ATXN2L: variants seen among roughly 807,000 people sequenced by gnomAD.
ATXN2L encodes the protein ataxin-2-like protein.
Under a neutral mutation model 120.7 loss-of-function variants are expected in ATXN2L, and 24 were observed. The observed-to-expected ratio is 0.20, with a 90% CI of 0.14 to 0.28. ATXN2L has a LOEUF of 0.28. Ranked by LOEUF, ATXN2L falls within the 10% of genes least tolerant of loss-of-function variation. The pLI, the probability that ATXN2L is intolerant of heterozygous loss-of-function variation, is 1.00. For synonymous variants in ATXN2L, 653 were observed against 568.1 expected (o/e 1.15, Z -2.13); for missense variants, 1,312 against 1,432.3 (o/e 0.92, Z 1.36).
chr16:28,826,649 T>C (rs2052145324), intron 5 of ATXN2L: 1 of 649,876 alleles, frequency 1.5e-6, no homozygotes, highest in Non-Finnish European at 2.5e-6. Context: ...GGTTTTTAAC[T>C]TCTTTTTTCT....
intron 1 of ATXN2L, among the ~76,000 whole-genome samples, chr16:28,825,072 C>T (rs1270770625): frequency 7.0e-6 from 1 of 143,442 alleles, no homozygotes; most frequent in African/African-American, 2.5e-5. Context: ...AAAAAAAAAG[C>T]CAGGAGTGGT....
In ATXN2L at chr16:28,834,217, C is replaced by G; in HGVS notation, c.2172+6C>G. 1 of 1,612,680 alleles carries G rather than the reference C, an allele frequency of 6.2e-7. No homozygotes were observed. Among genetic ancestry groups the G allele is most frequent in the Non-Finnish European group, 8.5e-7 (1 of 1,178,898 alleles). ...ACATGGGACCAGCTGTGCAGGTATG[C>G]AGAGAGACTGGCCGGGCCCAGGGTT... is the stretch of plus-strand genomic sequence containing the variant. On this transcript the variant is annotated splice_donor_region_variant and intron_variant, in intron 16 of 21. Coordinates refer to ENST00000336783, the MANE Select transcript of ATXN2L (RefSeq NM_007245.4).
intron 10 of ATXN2L, among the ~76,000 whole-genome samples, chr16:28,831,771 C>G (rs1487837398): frequency 6.6e-6 from 1 of 152,114 alleles, no homozygotes; most frequent in Admixed American, 6.6e-5. Context: ...GTACTCCCAG[C>G]TACTTGCGAG....
chr16:28,834,802 GA>G, intron 18 of ATXN2L, 109 bp downstream of exon 18: 1 of 1,345,388 alleles, frequency 7.4e-7, no homozygotes, highest in Non-Finnish European at 1.0e-6. Context: ...TTGTAGGTGG[GA>G]TCGGCCCTCT....
rs1272065548 is a variant in ATXN2L at position 28,823,225 on chromosome 16, C to T, written c.-35C>T. ...CCAGCCCCGGCCCCCTCTCTCCCTC[C>T]CTTCTCTCTAATTCCCCTTCCGGAC... On this transcript the variant is annotated 5_prime_UTR_variant, in exon 1 of 22. Coordinates refer to ENST00000336783, the MANE Select transcript of ATXN2L (RefSeq NM_007245.4). 18 of 1,363,602 alleles carry T rather than the reference C, an allele frequency of 1.3e-5. No individual in the cohort carries two copies. Among genetic ancestry groups the T allele is most frequent in the African/African-American group, 3.0e-5 (2 of 66,052 alleles). The allele number at this position is 1,363,602 out of a possible 1,614,324, so 84.5% of individuals were successfully genotyped here.
At chr16:28,825,531 G>A (rs1267183339) in intron 2 of ATXN2L, 93 bp from the exon 3 acceptor site, 1 of 1,534,524 alleles carries the variant, frequency 6.5e-7, no homozygotes, top group African/African-American at 1.4e-5. Context: ...GCACACACAA[G>A]GCAGAATGAG....
rs7499664 is a variant in ATXN2L, at chr16:28,834,571, G to A, written c.2311G>A (p.Ala771Thr). The A allele has an allele frequency of 2.9e-3, 4,624 of 1,612,580 alleles. 8 individuals carry two copies. Among genetic ancestry groups the A allele is most frequent in the South Asian group, 3.8e-3 (346 of 91,064 alleles). Reference sequence around the variant, plus strand: ...CTCAGCCCCGCCGATGATGCAGGCCGCCGCGGCTGCTGGCCCGCCTCTGGT... The same window carrying A: ...CTCAGCCCCGCCGATGATGCAGGCCACCGCGGCTGCTGGCCCGCCTCTGGT... ...PASAPPMMQA[A>T]AAAGPPLVAA... is the part of the protein sequence containing the mutation. The change falls in exon 18 of 22, where the codon GCC becomes ACC. Residue 771 changes from alanine to threonine, a missense_variant. By Grantham distance (58) the Ala-to-Thr change is moderately conservative. Coordinates refer to ENST00000336783, the MANE Select transcript of ATXN2L (RefSeq NM_007245.4).
chr16:28,823,229 C>G lies in ATXN2L; in HGVS notation c.-31C>G. 7.3e-7 allele frequency: 1 copy of G among 1,365,744 alleles called. No individual in the cohort carries two copies. The allele number at this position is 1,365,744 out of a possible 1,614,324, so 84.6% of individuals were successfully genotyped here. A position where few individuals can be genotyped will look rare whatever the true frequency, so the allele number is the denominator to read the frequency against. On this transcript the variant is annotated 5_prime_UTR_variant, in exon 1 of 22. Coordinates refer to ENST00000336783, the MANE Select transcript of ATXN2L (RefSeq NM_007245.4). ...CCCCGGCCCCCTCTCTCCCTCCCTT[C>G]TCTCTAATTCCCCTTCCGGACGCTG...
rs1018034466 is a variant in ATXN2L, at chr16:28,826,701, C to T, written c.617-161C>T. Reference sequence around the variant, plus strand: ...GATAGACTTTTTATACTCTTCTTCTCTTGCCTCCCCACCCCCTGGCCATCC... The same window carrying T: ...GATAGACTTTTTATACTCTTCTTCTTTTGCCTCCCCACCCCCTGGCCATCC... On this transcript the variant is annotated intron_variant, in intron 5 of 21. Transcript: ENST00000336783. 13 of 827,964 alleles carry T rather than the reference C, an allele frequency of 1.6e-5. No individual in the cohort carries two copies. In the Admixed American group the frequency reaches 4.0e-4, roughly 26 times the overall value. The allele number at this position is 827,964 out of a possible 1,614,324, so 51.3% of individuals were successfully genotyped here.
At chr16:28,827,951 T>C (rs1289280823) in intron 6 of ATXN2L, among the ~76,000 whole-genome samples, 1 of 152,214 alleles carries the variant, frequency 6.6e-6, no homozygotes, top group African/African-American at 2.4e-5. Context: ...ATTATTGTTT[T>C]GTTATGTTTA....
rs755788280 is a variant in ATXN2L at position 28,832,551 on chromosome 16, T to G, written c.1572T>G (p.Ala524=). The G allele has an allele frequency of 6.8e-6, 11 of 1,614,204 alleles. No individual in the cohort carries two copies. Among genetic ancestry groups the G allele is most frequent in the Non-Finnish European group, 9.3e-6 (11 of 1,180,018 alleles). The change falls in exon 12 of 22, where the codon GCT becomes GCG. Residue 524 remains alanine (A), a synonymous_variant. Transcript: ENST00000336783. The part of the protein sequence containing the change: ...PGRTLEPQEL[A]RIAGKVPGLQ... Reference sequence around the variant, plus strand: ...GAACTCTGGAGCCCCAGGAGCTGGCTCGGATAGCTGGGAAAGGTGAGGGTG... The same window carrying G: ...GAACTCTGGAGCCCCAGGAGCTGGCGCGGATAGCTGGGAAAGGTGAGGGTG...
intron 8 of ATXN2L, 88 bp from the exon 9 acceptor site, chr16:28,830,527 A>AC (rs2053985513): frequency 7.6e-7 from 1 of 1,310,152 alleles, no homozygotes; most frequent in Non-Finnish European, 1.0e-6. Context: ...TGGGGGCAGA[A>AC]GGGGGAGACT....
In ATXN2L at chr16:28,836,313, CCTGT is replaced by C. The variant is rs1221974574; in HGVS notation, c.*53_*56del. 1.9e-6 allele frequency: 3 copies of C among 1,611,820 alleles called. No homozygotes were observed. The highest frequency in any genetic ancestry group is 2.5e-6 in the Non-Finnish European group (3 of 1,179,014). On this transcript the variant is annotated 3_prime_UTR_variant, in exon 22 of 22. Coordinates refer to ENST00000336783, the MANE Select transcript of ATXN2L (RefSeq NM_007245.4). ...CCCACAGGGCGCCCGCCGACCTGCA[CCTGT>C]CTGTGAAGTATGTAGGGTGGGCAGA...
rs147536062 is a variant in ATXN2L at position 28,836,170 on chromosome 16, A to C, written c.3133A>C (p.Arg1045=). 6.2e-7 allele frequency: 1 copy of C among 1,614,082 alleles called. No homozygotes were observed. Among genetic ancestry groups the C allele is most frequent in the Non-Finnish European group, 8.5e-7 (1 of 1,179,988 alleles). The part of the protein sequence containing the change: ...APGFPGGADD[R]IREFSLAGGI... Reference sequence around the variant, plus strand: ...TGGATTTCCAGGAGGAGCCGATGACAGGATTCGTGAGTTCTCATTAGCTGG... The same window carrying C: ...TGGATTTCCAGGAGGAGCCGATGACCGGATTCGTGAGTTCTCATTAGCTGG... Residue 1045 remains arginine (R), a synonymous_variant, in exon 22 of 22, where the codon AGG becomes CGG. Coordinates refer to ENST00000336783, the MANE Select transcript of ATXN2L (RefSeq NM_007245.4).
intron 8 of ATXN2L, 68 bp downstream of exon 8, chr16:28,830,126 T>C (rs968959057): frequency 7.0e-7 from 1 of 1,437,102 alleles, no homozygotes; most frequent in African/African-American, 1.4e-5. Context: ...GGCCCAGAGT[T>C]GATGAGTGCT....
chr16:28,835,786 G>C (rs936537866), intron 21 of ATXN2L, 28 bp downstream of exon 21: 7 of 1,613,380 alleles, frequency 4.3e-6, no homozygotes, highest in Non-Finnish European at 5.9e-6. Flanking sequence ...CCACTTCTGG[G>C]TCTGTTTGCC....
rs1382267745 is a variant in ATXN2L, at chr16:28,833,520, C to G, written c.2025+12C>G. 1 of 1,613,972 alleles carries G rather than the reference C, an allele frequency of 6.2e-7. No individual in the cohort carries two copies. The highest frequency in any genetic ancestry group is 1.7e-5 in the Admixed American group (1 of 60,018). On this transcript the variant is annotated intron_variant, in intron 15 of 21. Coordinates refer to ENST00000336783, the MANE Select transcript of ATXN2L (RefSeq NM_007245.4). ...CTCTGCTGTCTGTGGTGAGCTGGGA[C>G]AGGAGAATGTGGACTTTGGTTTCTG...
At chr16:28,832,030 A>G (rs886374538) in intron 10 of ATXN2L, among the ~76,000 whole-genome samples, 175 bp from the exon 11 acceptor site, 4 of 152,300 alleles carry the variant, frequency 2.6e-5, no homozygotes, top group Admixed American at 6.5e-5. Flanking sequence ...CCAGTTGTCG[A>G]TGATGCCCAT....
rs764481046 is a variant in ATXN2L at position 28,823,242 on chromosome 16, C to G, written c.-18C>G. On this transcript the variant is annotated 5_prime_UTR_variant, in exon 1 of 22. Transcript: ENST00000336783. ...TCTCCCTCCCTTCTCTCTAATTCCC[C>G]TTCCGGACGCTGCCATCATGTTGAA... 6.3e-6 allele frequency: 9 copies of G among 1,433,410 alleles called. No individual in the cohort carries two copies. The highest frequency in any genetic ancestry group is 8.2e-6 in the Non-Finnish European group (9 of 1,091,988). The allele number at this position is 1,433,410 out of a possible 1,614,324, so 88.8% of individuals were successfully genotyped here.
Sources: allele counts gnomAD v4.1 joint callset (sites outside exome capture counted in the v4.1 genomes callset), GRCh38; gene constraint gnomAD v4.1.1; transcripts MANE v1.5; gene names NCBI Gene and HGNC (gene_info 2026-07-23, HGNC 2026-07-21).